The following C3orf33 variants were observed in gnomAD, a reference collection of about 807,000 sequenced individuals.
C3orf33 encodes AP-1 activity suppressor.
Under a neutral mutation model 28.7 loss-of-function variants are expected in C3orf33, and 23 were observed. That is an observed-to-expected ratio of 0.80 (90% confidence interval 0.58 to 1.13). The LOEUF (loss-of-function observed/expected upper bound fraction) is 1.13, where lower values mean the gene tolerates loss of function less well. C3orf33 is among the 50% of genes most tolerant of loss of function. The pLI is 0.00. For missense variants in C3orf33, 327 were observed against 353.4 expected (o/e 0.93, Z 0.60); for synonymous variants, 119 against 120.5 (o/e 0.99, Z 0.08).
In C3orf33 at chr3:155,802,570, T is replaced by C. The variant is rs1403927511; in HGVS notation, c.136A>G (p.Ile46Val). The C allele has an allele frequency of 1.9e-6, 3 of 1,601,294 alleles. No individual in the cohort carries two copies. The highest frequency in any genetic ancestry group is 1.7e-6 in the Non-Finnish European group (2 of 1,176,948). Residue 46 changes from isoleucine (I) to valine (V), a missense_variant, in exon 2 of 5, where the codon ATA becomes GTA. By Grantham distance (29) the Ile-to-Val change is conservative. Coordinates refer to ENST00000340171, the MANE Select transcript of C3orf33 (RefSeq NM_001308229.2). ...CTCAAAAGTAACATTATTCCAGCTATGGCCATTCCAGTGCTGATGTTCTAC... is the reference window on the plus strand; with the variant it reads ...CTCAAAAGTAACATTATTCCAGCTACGGCCATTCCAGTGCTGATGTTCTAC... ...LVRNISTGMA[I>V]AGIMLLLRSI...
intron 2 of C3orf33, among the ~76,000 whole-genome samples, chr3:155,795,330 C>A (rs527286439): frequency 1.6e-3 from 247 of 152,126 alleles, no homozygotes; most frequent in African/African-American, 5.6e-3. Context: ...GTGGTGCATG[C>A]CTGTAATCCC....
chr3:155,775,583 C>T (rs1750719113), intron 3 of C3orf33, 118 bp downstream of exon 3: 2 of 618,948 alleles, frequency 3.2e-6, no homozygotes, highest in Non-Finnish European at 5.0e-6. Flanking sequence ...TTGAGACTTT[C>T]TCATGGACAA....
intron 4 of C3orf33, among the ~76,000 whole-genome samples, chr3:155,765,813 G>T (rs1400032579): frequency 2.6e-5 from 4 of 152,184 alleles, no homozygotes. Context: ...CTCCCAAAGT[G>T]CTGGGATTAC....
chr3:155,770,737 T>C (rs1437284817), intron 3 of C3orf33, among the ~76,000 whole-genome samples: 1 of 152,014 alleles, frequency 6.6e-6, no homozygotes, highest in Non-Finnish European at 1.5e-5. Flanking sequence ...GGTGCAATCT[T>C]GGCTCACTAC....
intron 2 of C3orf33, among the ~76,000 whole-genome samples, chr3:155,801,970 T>A (rs1380909913): frequency 2.6e-5 from 4 of 152,222 alleles, no homozygotes; most frequent in Non-Finnish European, 5.9e-5. Context: ...CAGGCTGGTC[T>A]CGAACTCCTG....
intron 2 of C3orf33, among the ~76,000 whole-genome samples, chr3:155,779,065 G>T (rs994560263): frequency 6.6e-6 from 1 of 152,140 alleles, no homozygotes; most frequent in Non-Finnish European, 1.5e-5. Context: ...GTGCTTATAT[G>T]GGTGATATTT....
In C3orf33 at chr3:155,803,623, G is replaced by A. The variant is rs145973394; in HGVS notation, c.115-1032C>T. Among the ~76,000 whole-genome samples, 295 of 149,032 alleles carry A rather than the reference G, an allele frequency of 2.0e-3. 1 individual carries two copies. The highest frequency in any genetic ancestry group is 6.5e-3 in the African/African-American group (262 of 40,496). On this transcript the variant is annotated intron_variant, in intron 1 of 4. Coordinates refer to ENST00000340171, the MANE Select transcript of C3orf33 (RefSeq NM_001308229.2). ...AGGCCAGGTGTGGTGCCTCACGCCT[G>A]TAATCTCAGCACTTGGGGAGGCCGA...
intron 2 of C3orf33, among the ~76,000 whole-genome samples, chr3:155,783,879 TA>T (rs1470585520): frequency 3.3e-5 from 5 of 152,176 alleles, no homozygotes; most frequent in Non-Finnish European, 5.9e-5. Flanking sequence ...TCAGATATTT[TA>T]AAAATTATTA....
At chr3:155,789,773 A>G (rs1472106129) in intron 2 of C3orf33, among the ~76,000 whole-genome samples, 1 of 152,226 alleles carries the variant, frequency 6.6e-6, no homozygotes, top group Admixed American at 6.5e-5. Flanking sequence ...AGATAGACAT[A>G]CAGATCAATG....
chr3:155,793,969 C>T (rs1282451767), intron 2 of C3orf33, among the ~76,000 whole-genome samples: 1 of 147,166 alleles, frequency 6.8e-6, no homozygotes, highest in Non-Finnish European at 1.5e-5. Flanking sequence ...TGTTAGTTTG[C>T]TTGGTGGTGT....
chr3:155,776,698 G>A (rs1305967470), intron 2 of C3orf33, among the ~76,000 whole-genome samples: 1 of 140,668 alleles, frequency 7.1e-6, no homozygotes, highest in African/African-American at 2.7e-5. Flanking sequence ...TAAGGTTACA[G>A]TGAGCCATAA....
At chr3:155,764,264 A>C (rs989344923) in intron 4 of C3orf33, among the ~76,000 whole-genome samples, 1 of 152,214 alleles carries the variant, frequency 6.6e-6, no homozygotes, top group African/African-American at 2.4e-5. Flanking sequence ...AGATAGGCAG[A>C]GTGACAGTAG....
At chr3:155,801,106 A>G (rs1011879710) in intron 2 of C3orf33, among the ~76,000 whole-genome samples, 2 of 152,154 alleles carry the variant, frequency 1.3e-5, no homozygotes, top group African/African-American at 4.8e-5. Flanking sequence ...TGAGGTCAAG[A>G]GTTCGAGACC....
At chr3:155,782,994 A>G (rs1159754144) in intron 2 of C3orf33, among the ~76,000 whole-genome samples, 1 of 152,206 alleles carries the variant, frequency 6.6e-6, no homozygotes, top group African/African-American at 2.4e-5. Context: ...ACCTGACACC[A>G]AAAGTGGAAA....
rs868473413 is a variant in C3orf33, at chr3:155,795,102, C to T, written c.174+7430G>A. Among the ~76,000 whole-genome samples the T allele has an allele frequency of 6.6e-5, 10 of 152,170 alleles. 1 individual carries two copies. Among genetic ancestry groups the T allele is most frequent in the African/African-American group, 2.4e-4 (10 of 41,444 alleles). On this transcript the variant is annotated intron_variant, in intron 2 of 4. Coordinates refer to ENST00000340171, the MANE Select transcript of C3orf33 (RefSeq NM_001308229.2). ...CAATGGCTGAAGAATATACATTCTTCTCCTTAGCACATGGATCATTCTCAA... is the reference window on the plus strand; with the variant it reads ...CAATGGCTGAAGAATATACATTCTTTTCCTTAGCACATGGATCATTCTCAA...
rs762707842 is a variant in C3orf33 at position 155,806,205 on chromosome 3, G to A, written c.48C>T (p.Asp16=). The A allele has an allele frequency of 4.0e-6, 6 of 1,493,494 alleles. No homozygotes were observed. In the South Asian group the frequency reaches 6.3e-5, roughly 16 times the overall value. The allele number at this position is 1,493,494 out of a possible 1,614,324, so 92.5% of individuals were successfully genotyped here. The change falls in exon 1 of 5, where the codon GAC becomes GAT. Residue 16 remains aspartate, a synonymous_variant. Transcript: ENST00000340171. ...GAGCCACGACGTTGGGCTCCATTCCGTCCTTGTCGGCAGACGGCGAGCCGG... is the reference window on the plus strand; with the variant it reads ...GAGCCACGACGTTGGGCTCCATTCCATCCTTGTCGGCAGACGGCGAGCCGG... ...AATGSPSADK[D]GMEPNVVARI...
chr3:155,766,433 G>A (rs964130701), intron 4 of C3orf33, among the ~76,000 whole-genome samples: 5 of 152,172 alleles, frequency 3.3e-5, no homozygotes, highest in African/African-American at 9.7e-5. Context: ...TAGTACTTAA[G>A]AATGTTCAAC....
At chr3:155,774,660 GT>G (rs1327785621) in intron 3 of C3orf33, among the ~76,000 whole-genome samples, 1 of 109,972 alleles carries the variant, frequency 9.1e-6, no homozygotes, top group East Asian at 2.9e-4. Context: ...TTATGATATT[GT>G]TTTGCTTTTT....
At chr3:155,793,683 G>A (rs1751382015) in intron 2 of C3orf33, among the ~76,000 whole-genome samples, 1 of 151,250 alleles carries the variant, frequency 6.6e-6, no homozygotes, top group Non-Finnish European at 1.5e-5. Flanking sequence ...GGTGGTGCCT[G>A]CCTGTAGTCC....
Sources: allele counts gnomAD v4.1 joint callset (sites outside exome capture counted in the v4.1 genomes callset), GRCh38; gene constraint gnomAD v4.1.1; transcripts MANE v1.5; gene names NCBI Gene and HGNC (gene_info 2026-07-23, HGNC 2026-07-21).